The following MXD4 variants were observed in gnomAD, a reference collection of about 807,000 sequenced individuals.
MXD4 encodes the protein MAX dimerization protein 4.
A neutral mutation model predicts 24.5 loss-of-function variants in MXD4; 16 were observed. The ratio of observed to expected loss-of-function variants is 0.65; its 90% CI spans 0.44 to 0.99. MXD4 has a LOEUF of 0.99. Ranked by LOEUF, MXD4 falls within the 50% of genes least tolerant of loss-of-function variation. The pLI is 0.00. For synonymous variants in MXD4, 164 were observed against 134.2 expected, an observed-to-expected ratio of 1.22 and a Z score of -1.54; for missense variants, 301 against 301.5, an observed-to-expected ratio of 1.00 and a Z score of 0.01.
intron 2 of MXD4, among the ~76,000 whole-genome samples, chr4:2,259,405 G>A (rs540456164): frequency 1.4e-4 from 22 of 152,310 alleles, no homozygotes; most frequent in African/African-American, 5.3e-4. Flanking sequence ...AGAGGCCACA[G>A]CCATATGCTC....
intron 3 of MXD4, chr4:2,253,442 C>G (rs1045050953): frequency 6.6e-6 from 1 of 152,266 alleles, no homozygotes; most frequent in African/African-American, 2.4e-5. Flanking sequence ...TCACCCATCC[C>G]GTGCAGGCCG....
Position 2,261,927 on chromosome 4 carries a change from G to C in MXD4, c.54C>G (p.Arg18=). The C allele has an allele frequency of 1.4e-6, 2 of 1,464,152 alleles. No individual in the cohort carries two copies. Among genetic ancestry groups the C allele is most frequent in the Non-Finnish European group, 9.0e-7 (1 of 1,106,730 alleles). The allele number at this position is 1,464,152 out of a possible 1,614,324, so 90.7% of individuals were successfully genotyped here. ...ILLEAAEYLE[R]RDREAEHGYA... is the part of the protein sequence containing the mutation. ...GGGTGCGAGCGCTACCTCGATCCCT[G>C]CGCTCCAGGTACTCGGCCGCCTCCA... The change falls in exon 1 of 6, where the codon CGC becomes CGG. Residue 18 remains arginine, a synonymous_variant. Coordinates refer to ENST00000337190, the MANE Select transcript of MXD4 (RefSeq NM_006454.3).
Position 2,250,446 on chromosome 4 carries a change from AGTGGGCCT to A in MXD4, c.*90_*97del. 7.3e-7 allele frequency: 1 copy of A among 1,369,624 alleles called. No homozygotes were observed. The highest frequency in any genetic ancestry group is 1.4e-5 in the South Asian group (1 of 69,202). The allele number at this position is 1,369,624 out of a possible 1,614,324, so 84.8% of individuals were successfully genotyped here. A position where few individuals can be genotyped will look rare whatever the true frequency, so the allele number is the denominator to read the frequency against. ...GCTGGAGCTTCCAGAATGGCACAGCAGTGGGCCTGTGGAGAGGCTGGCGTCAACTGAAG... is the reference window on the plus strand; with the variant it reads ...GCTGGAGCTTCCAGAATGGCACAGCAGTGGAGAGGCTGGCGTCAACTGAAG... On this transcript the variant is annotated 3_prime_UTR_variant, in exon 6 of 6. Coordinates refer to ENST00000337190, the MANE Select transcript of MXD4 (RefSeq NM_006454.3).
chr4:2,259,554 G>A (rs904813290), intron 2 of MXD4, among the ~76,000 whole-genome samples: 1 of 152,192 alleles, frequency 6.6e-6, no homozygotes, highest in Non-Finnish European at 1.5e-5. Flanking sequence ...CAAGAGGGAG[G>A]TCGGGGTCAG....
intron 3 of MXD4, chr4:2,253,918 C>T (rs1279565425): frequency 2.0e-5 from 3 of 152,238 alleles, no homozygotes; most frequent in Admixed American, 6.5e-5. Context: ...AGCTCAGCCT[C>T]CCCACCGCCA....
chr4:2,258,242 G>A (rs544563337), intron 2 of MXD4, among the ~76,000 whole-genome samples: 11 of 152,256 alleles, frequency 7.2e-5, no homozygotes, highest in South Asian at 2.1e-4. Context: ...ACTCCGTGCC[G>A]GGGGAGCCGC....
chr4:2,250,801 T>G lies in MXD4; in HGVS notation c.473-100A>C, dbSNP rs956807614. The G allele has an allele frequency of 9.8e-6, 14 of 1,431,322 alleles. No individual in the cohort carries two copies. The African/African-American group carries it at 1.8e-4, about 19-fold the overall frequency. The allele number at this position is 1,431,322 out of a possible 1,614,324, so 88.7% of individuals were successfully genotyped here. A position where few individuals can be genotyped will look rare whatever the true frequency, so the allele number is the denominator to read the frequency against. On this transcript the variant is annotated intron_variant, in intron 5 of 5. Transcript: ENST00000337190. The stretch of plus-strand genomic sequence containing the variant: ...GAAGCTCTAGGCAGAGGGGCAGAAG[T>G]GCGGAGGGCGCTGTCTGGGCCCTGG...
chr4:2,257,852 A>C, intron 3 of MXD4, 130 bp downstream of exon 3: 1 of 1,243,588 alleles, frequency 8.0e-7, no homozygotes, highest in Non-Finnish European at 1.1e-6. Context: ...GACCATTCCC[A>C]AGACAAGGAC....
At chr4:2,258,190 G>A (rs1189957949) in intron 2 of MXD4, among the ~76,000 whole-genome samples, 179 bp from the exon 3 acceptor site, 1 of 152,174 alleles carries the variant, frequency 6.6e-6, no homozygotes, top group Non-Finnish European at 1.5e-5. Flanking sequence ...AGGGTGGGGG[G>A]AACCACATGC....
At chr4:2,252,082 C>T (rs891292082) in intron 4 of MXD4, among the ~76,000 whole-genome samples, 3 of 152,158 alleles carry the variant, frequency 2.0e-5, no homozygotes, top group African/African-American at 7.2e-5. Context: ...CTCTTCACAG[C>T]CCAGGACCCC....
At chr4:2,258,844 G>A in intron 2 of MXD4, 1 of 452,502 alleles carries the variant, frequency 2.2e-6, no homozygotes, top group Non-Finnish European at 4.4e-6. Flanking sequence ...GGAGGCCCGG[G>A]CTCAGCTTCT....
intron 2 of MXD4, among the ~76,000 whole-genome samples, chr4:2,261,421 A>C (rs1577825936): frequency 6.6e-6 from 1 of 152,176 alleles, no homozygotes; most frequent in Non-Finnish European, 1.5e-5. Flanking sequence ...GGAAAAGTCC[A>C]GAACAACTCG....
intron 3 of MXD4, chr4:2,253,455 G>A (rs538238395): frequency 6.6e-6 from 1 of 152,266 alleles, no homozygotes; most frequent in African/African-American, 2.4e-5. Flanking sequence ...GCAGGCCGCA[G>A]AGGCTGCTTC....
rs2233036 is a variant in MXD4, at chr4:2,258,035, G to A, written c.165-24C>T. 2.9e-5 allele frequency: 46 copies of A among 1,613,454 alleles called. No homozygotes were observed. In the Admixed American group the frequency reaches 3.3e-4, roughly 12 times the overall value. ...ACCTGTTTAGAAAGACAGAAAGACA[G>A]AGCTCACTCTTCTGCCTGCCCACCA... On this transcript the variant is annotated intron_variant, in intron 2 of 5. Coordinates refer to ENST00000337190, the MANE Select transcript of MXD4 (RefSeq NM_006454.3).
rs1478550554 is a variant in MXD4, at chr4:2,261,812, C to A, written c.77G>T (p.Gly26Val). The change falls in exon 2 of 6, where the codon GGC becomes GTC. Residue 26 changes from glycine (G) to valine (V), a missense_variant. Coordinates refer to ENST00000337190, the MANE Select transcript of MXD4 (RefSeq NM_006454.3). ...LERRDREAEHGYASVLPFDGD... is the reference protein window; with the variant it reads ...LERRDREAEHVYASVLPFDGD... ...GTCGAAGGGCAGCACCGAGGCGTAG[C>A]CGTGCTCGGCCTCTGCGGACACACG... is the stretch of plus-strand genomic sequence containing the variant. 2 of 1,392,884 alleles carry A rather than the reference C, an allele frequency of 1.4e-6. No individual in the cohort carries two copies. The highest frequency in any genetic ancestry group is 2.8e-5 in the Admixed American group (1 of 35,210). 86.3% of individuals were successfully genotyped at this position (1,392,884 alleles called of 1,614,324 possible).
chr4:2,258,098 C>G (rs1735467221), intron 2 of MXD4, 87 bp from the exon 3 acceptor site: 1 of 1,536,744 alleles, frequency 6.5e-7, no homozygotes, highest in Non-Finnish European at 8.9e-7. Flanking sequence ...GGGCCAGGAC[C>G]TGCAGACAGT....
At chr4:2,258,330 A>T (rs1735472122) in intron 2 of MXD4, among the ~76,000 whole-genome samples, 2 of 152,154 alleles carry the variant, frequency 1.3e-5, no homozygotes, top group Admixed American at 6.5e-5. Flanking sequence ...CCTTGCTTAC[A>T]GGGAGGCCCA....
In MXD4 at chr4:2,258,027, G is replaced by GAAAGAC; in HGVS notation, c.165-22_165-17dup. The GAAAGAC allele has an allele frequency of 6.2e-7, 1 of 1,613,548 alleles. No homozygotes were observed. Among genetic ancestry groups the GAAAGAC allele is most frequent in the Non-Finnish European group, 8.5e-7 (1 of 1,179,900 alleles). On this transcript the variant is annotated splice_polypyrimidine_tract_variant and intron_variant, in intron 2 of 5. Transcript: ENST00000337190. Reference sequence around the variant, plus strand: ...GTGTGAAGACCTGTTTAGAAAGACAGAAAGACAGAGCTCACTCTTCTGCCT... The same window carrying GAAAGAC: ...GTGTGAAGACCTGTTTAGAAAGACAGAAAGACAAAGACAGAGCTCACTCTTCTGCCT...
rs983423687 is a variant in MXD4, at chr4:2,248,895, CA to C, written c.*1648del. 1 of 152,386 alleles carries C rather than the reference CA, an allele frequency of 6.6e-6. No homozygotes were observed. The highest frequency in any genetic ancestry group is 1.5e-5 in the Non-Finnish European group (1 of 68,146). 9.4% of individuals were successfully genotyped at this position (152,386 alleles called of 1,614,324 possible). A position where few individuals can be genotyped will look rare whatever the true frequency, so the allele number is the denominator to read the frequency against. ...GGACGTCAGGAAGGAAAGGCGGGTGCAAGCCTCCTGGTGCCAGGCCTGCACC... is the reference window on the plus strand; with the variant it reads ...GGACGTCAGGAAGGAAAGGCGGGTGCAGCCTCCTGGTGCCAGGCCTGCACC... On this transcript the variant is annotated 3_prime_UTR_variant, in exon 6 of 6. Transcript: ENST00000337190.
Sources: gnomAD v4.1 joint callset for allele counts (sites outside exome capture counted in the v4.1 genomes callset) on GRCh38, gnomAD v4.1.1 for gene constraint, MANE v1.5 for transcripts, NCBI Gene and HGNC (gene_info 2026-07-23, HGNC 2026-07-21) for gene names.